Variants in GC observed in about 807,000 individuals in gnomAD.
GC encodes GC vitamin D binding protein.
Under a neutral mutation model 56.7 loss-of-function variants are expected in GC, and 43 were observed. The observed-to-expected ratio is 0.76, with a 90% CI of 0.59 to 0.98. The LOEUF (loss-of-function observed/expected upper bound fraction) is 0.98, where lower values mean the gene tolerates loss of function less well. Among genes scored for constraint, GC ranks in the 50% least tolerant of loss-of-function variants. The pLI, the probability that GC is intolerant of heterozygous loss-of-function variation, is 0.00. For synonymous variants in GC, 216 were observed against 202.7 expected, an observed-to-expected ratio of 1.07 and a Z score of -0.56; for missense variants, 529 against 545.9, an observed-to-expected ratio of 0.97 and a Z score of 0.31.
intron 2 of GC, 66 bp from the exon 3 acceptor site, chr4:71,768,499 C>A (rs538120960): frequency 3.5e-6 from 5 of 1,424,226 alleles, no homozygotes; most frequent in Non-Finnish European, 4.8e-6. Context: ...GACGGAGTCT[C>A]GCTCTGTTAC....
chr4:71,768,970 T>A (rs1337530156), intron 2 of GC, among the ~76,000 whole-genome samples: 5 of 152,244 alleles, frequency 3.3e-5, no homozygotes, highest in Non-Finnish European at 7.3e-5. Context: ...AATCTGGTGT[T>A]GTCCTTCTTA....
At chr4:71,774,869 T>C (rs1206223578) in intron 1 of GC, among the ~76,000 whole-genome samples, 1 of 151,964 alleles carries the variant, frequency 6.6e-6, no homozygotes, top group Non-Finnish European at 1.5e-5. Context: ...ACTTTTTGAG[T>C]ACATTTTGTC....
At chr4:71,775,991 A>G (rs1247781210) in intron 1 of GC, among the ~76,000 whole-genome samples, 2 of 152,034 alleles carry the variant, frequency 1.3e-5, no homozygotes, top group Non-Finnish European at 2.9e-5. Context: ...ATTGCCAGAA[A>G]GATTGAAAGA....
rs1742220676 is a variant in GC at position 71,768,247 on chromosome 4, A to G, written c.261+54T>C. The stretch of plus-strand genomic sequence containing the variant: ...TTTTCAACACGTGGTATAAAGGCCT[A>G]TTTTGGCTTCCTTCTCTGGGCTGCC... On this transcript the variant is annotated intron_variant, in intron 3 of 12. Transcript: ENST00000273951. 3 of 1,500,544 alleles carry G rather than the reference A, an allele frequency of 2.0e-6. No individual in the cohort carries two copies. In the African/African-American group the frequency reaches 4.2e-5, roughly 21 times the overall value. 93.0% of individuals were successfully genotyped at this position (1,500,544 alleles called of 1,614,324 possible).
intron 11 of GC, among the ~76,000 whole-genome samples, chr4:71,747,189 G>T (rs1357830852): frequency 6.6e-6 from 1 of 152,160 alleles, no homozygotes; most frequent in Non-Finnish European, 1.5e-5. Flanking sequence ...AAAATATTTT[G>T]TCCATGTTGA....
rs190012860 is a variant in GC at position 71,744,407 on chromosome 4, C to T, written c.*25+1744G>A. 3.8e-4 allele frequency among the ~76,000 whole-genome samples: 51 copies of T among 134,586 alleles called. No homozygotes were observed. The East Asian group carries it at 0.01, about 27-fold the overall frequency. The allele number at this position is 134,586 out of a possible 152,430, so 88.3% of individuals were successfully genotyped here. On this transcript the variant is annotated intron_variant, in intron 12 of 12. Coordinates refer to ENST00000273951, the MANE Select transcript of GC (RefSeq NM_000583.4). The stretch of plus-strand genomic sequence containing the variant: ...CCAGGAGGCGGTGCTTGCAGCGAGC[C>T]GAGATCGCGCCACTGCACTCCAGCC...
chr4:71,756,854 C>T lies in GC; in HGVS notation c.892G>A (p.Asp298Asn). ...ATGGCTGTTTTTTCTTGACAACAGT[C>T]TTCAAACTTAGAATTCTTTGTGGAT... Reference protein sequence around the residue: ...NLSTKNSKFEDCCQEKTAMDV... With the variant: ...NLSTKNSKFENCCQEKTAMDV... The change falls in exon 8 of 13, where the codon GAC becomes AAC. Residue 298 changes from aspartate (D) to asparagine (N), a missense_variant. Coordinates refer to ENST00000273951, the MANE Select transcript of GC (RefSeq NM_000583.4). 6.2e-7 allele frequency: 1 copy of T among 1,613,708 alleles called. No individual in the cohort carries two copies. Among genetic ancestry groups the T allele is most frequent in the Non-Finnish European group, 8.5e-7 (1 of 1,179,672 alleles).
intron 1 of GC, among the ~76,000 whole-genome samples, chr4:71,803,614 T>G (rs1743299468): frequency 6.6e-6 from 1 of 152,194 alleles, no homozygotes. Flanking sequence ...CTTTTGGTGA[T>G]CTTACTTCAG....
chr4:71,755,095 T>A lies in GC; in HGVS notation c.1047A>T (p.Glu349Asp), dbSNP rs1333540774. 1.3e-6 allele frequency: 2 copies of A among 1,566,728 alleles called. No individual in the cohort carries two copies. The highest frequency in any genetic ancestry group is 2.7e-5 in the African/African-American group (2 of 73,180). Residue 349 changes from glutamate to aspartate, a missense_variant, in exon 9 of 13, where the codon GAA becomes GAT. Coordinates refer to ENST00000273951, the MANE Select transcript of GC (RefSeq NM_000583.4). ...NTKVMDKYTF[E>D]LSRRTHLPEV... Reference sequence around the variant, plus strand: ...CCGGAAGATGAGTCCTTCTGCTTAGTTCAAATGTATACCTAGCATGAGGGA... The same window carrying A: ...CCGGAAGATGAGTCCTTCTGCTTAGATCAAATGTATACCTAGCATGAGGGA...
At chr4:71,752,764 C>G in intron 10 of GC, 114 bp from the exon 11 acceptor site, 1 of 943,586 alleles carries the variant, frequency 1.1e-6, no homozygotes, top group Admixed American at 2.5e-5. Flanking sequence ...AATAGAAATA[C>G]TTGCCTGTCT....
chr4:71,776,630 A>G (rs1742517143), intron 1 of GC, among the ~76,000 whole-genome samples: 2 of 151,892 alleles, frequency 1.3e-5, no homozygotes. Flanking sequence ...TTTCAAAATA[A>G]CTTGAGTAAA....
upstream of GC, among the ~76,000 whole-genome samples, chr4:71,788,178 C>A (rs1423961446): frequency 7.2e-6 from 1 of 139,092 alleles, no homozygotes; most frequent in Non-Finnish European, 1.6e-5. Flanking sequence ...GAAAGACATG[C>A]TAGAATTCTG....
At chr4:71,783,107 C>A (rs142811437) in intron 1 of GC, among the ~76,000 whole-genome samples, 2 of 151,692 alleles carry the variant, frequency 1.3e-5, no homozygotes, top group Non-Finnish European at 3.0e-5. Flanking sequence ...ATTCCACTGG[C>A]AAAACACATT....
chr4:71,754,892 T>C, intron 9 of GC, 86 bp downstream of exon 9: 1 of 811,342 alleles, frequency 1.2e-6, no homozygotes, highest in Non-Finnish European at 1.9e-6. Context: ...CATAAAAAAG[T>C]AGGCAGTGAG....
chr4:71,788,786 T>C (rs1236910577), upstream of GC, among the ~76,000 whole-genome samples: 2 of 151,970 alleles, frequency 1.3e-5, no homozygotes, highest in African/African-American at 4.8e-5. Context: ...ACTTAGCTGA[T>C]AATCACAGAG....
At chr4:71,775,235 C>A (rs1742470442) in intron 1 of GC, among the ~76,000 whole-genome samples, 1 of 151,810 alleles carries the variant, frequency 6.6e-6, no homozygotes, top group Non-Finnish European at 1.5e-5. Context: ...TCTTTATTTT[C>A]CATGAAGGTT....
At chr4:71,764,736 C>T (rs1303550502) in intron 4 of GC, among the ~76,000 whole-genome samples, 3 of 152,136 alleles carry the variant, frequency 2.0e-5, no homozygotes, top group Non-Finnish European at 4.4e-5. Flanking sequence ...TGAAAATTGA[C>T]AGGAATGAGC....
intron 1 of GC, among the ~76,000 whole-genome samples, chr4:71,799,976 G>T (rs1436656356): frequency 6.6e-6 from 1 of 152,038 alleles, no homozygotes; most frequent in African/African-American, 2.4e-5. Flanking sequence ...TGATATCAGT[G>T]TTTGAAGCAA....
At chr4:71,752,733 A>G in intron 10 of GC, 83 bp from the exon 11 acceptor site, 1 of 1,178,950 alleles carries the variant, frequency 8.5e-7, no homozygotes. Flanking sequence ...GCCATTTCAG[A>G]TCTTTTACAA....
Sources: allele counts gnomAD v4.1 joint callset (sites outside exome capture counted in the v4.1 genomes callset), GRCh38; gene constraint gnomAD v4.1.1; transcripts MANE v1.5; gene names NCBI Gene and HGNC (gene_info 2026-07-23, HGNC 2026-07-21).